The following PLOD2 variants were observed in gnomAD, a reference collection of about 807,000 sequenced individuals.
PLOD2 encodes procollagen-lysine,2-oxoglutarate 5-dioxygenase 2.
Under a neutral mutation model 101.0 loss-of-function variants are expected in PLOD2, and 65 were observed. The ratio of observed to expected loss-of-function variants is 0.64; its 90% CI spans 0.53 to 0.79. The LOEUF is 0.79. Ranked by LOEUF, PLOD2 falls within the 30% of genes least tolerant of loss-of-function variation. The probability of loss-of-function intolerance (pLI) is 0.00; values close to 1 mark genes in which losing one functional copy is unlikely to be tolerated. For synonymous variants in PLOD2, 314 were observed against 302.9 expected, an observed-to-expected ratio of 1.04 and a Z score of -0.38; for missense variants, 909 against 914.6, an observed-to-expected ratio of 0.99 and a Z score of 0.08.
At position 146,070,685 on chromosome 3, in the gene PLOD2, A is replaced by G. The variant is rs148862685; in HGVS notation, c.*32T>C. ...GTGTTCATGCCAGTCATTCATCCAA[A>G]ATAAATTTCAATTCAATGAAAAGTA... On this transcript the variant is annotated 3_prime_UTR_variant, in exon 20 of 20. Transcript: ENST00000282903. 1.1e-3 allele frequency: 1,572 copies of G among 1,490,848 alleles called. 10 individuals are homozygous for G. In the African/African-American group the frequency reaches 0.017, roughly 17 times the overall value. The allele number at this position is 1,490,848 out of a possible 1,614,324, so 92.4% of individuals were successfully genotyped here.
At chr3:146,087,686 T>C (rs1236440665) in intron 9 of PLOD2, among the ~76,000 whole-genome samples, 3 of 151,552 alleles carry the variant, frequency 2.0e-5, no homozygotes, top group Non-Finnish European at 3.0e-5. Flanking sequence ...TAACCAAAGA[T>C]AAGACAAAAA....
At position 146,124,023 on chromosome 3, in the gene PLOD2, A is replaced by G. The variant is rs538286757; in HGVS notation, c.201+115T>C. The G allele has an allele frequency of 3.6e-5, 25 of 696,186 alleles. No homozygotes were observed. In the South Asian group the frequency reaches 3.8e-4, roughly 11 times the overall value. The allele number at this position is 696,186 out of a possible 1,614,324, so 43.1% of individuals were successfully genotyped here. On this transcript the variant is annotated intron_variant, in intron 2 of 19. Transcript: ENST00000282903. ...CCAAAAACTACATGAACTAACAGTA[A>G]TTATGTAACCAAATGCTATCTTCCT...
At chr3:146,140,290 C>T (rs987597249) in intron 1 of PLOD2, among the ~76,000 whole-genome samples, 1 of 152,154 alleles carries the variant, frequency 6.6e-6, no homozygotes, top group East Asian at 1.9e-4. Context: ...TCTCAAGATG[C>T]CTCTACATTA....
intron 7 of PLOD2, among the ~76,000 whole-genome samples, chr3:146,097,052 T>G (rs1383946579): frequency 8.2e-5 from 10 of 121,494 alleles, no homozygotes; most frequent in Non-Finnish European, 1.2e-4. Context: ...GGTGAGGGGC[T>G]CCTCTGCCCG....
intron 12 of PLOD2, among the ~76,000 whole-genome samples, chr3:146,079,635 T>C (rs1159004120): frequency 1.3e-5 from 2 of 152,022 alleles, no homozygotes; most frequent in Non-Finnish European, 2.9e-5. Context: ...AGTGGTGCAC[T>C]AGACCCAGCT....
intron 13 of PLOD2, among the ~76,000 whole-genome samples, chr3:146,078,580 G>A (rs559680017): frequency 1.3e-5 from 2 of 151,932 alleles, no homozygotes; most frequent in African/African-American, 4.8e-5. Flanking sequence ...GGTATCATTA[G>A]TATTTTATTT....
chr3:146,095,227 T>G (rs151281166), intron 7 of PLOD2, among the ~76,000 whole-genome samples: 1,884 of 152,156 alleles, frequency 0.012, 40 homozygotes, highest in African/African-American at 0.044. Context: ...TGGGATCTAA[T>G]TAAACTAAGG....
intron 3 of PLOD2, among the ~76,000 whole-genome samples, chr3:146,120,864 G>A (rs939938213): frequency 6.6e-5 from 10 of 152,002 alleles, no homozygotes; most frequent in African/African-American, 2.4e-4. Flanking sequence ...TGTGATTACA[G>A]GCACCTGCCA....
intron 2 of PLOD2, among the ~76,000 whole-genome samples, chr3:146,121,986 C>T (rs1411959679): frequency 6.6e-6 from 1 of 152,106 alleles, no homozygotes; most frequent in Non-Finnish European, 1.5e-5. Context: ...CTCTTCATTT[C>T]ATCAAAACAA....
chr3:146,122,998 A>T (rs1363619881), intron 2 of PLOD2, among the ~76,000 whole-genome samples: 1 of 152,076 alleles, frequency 6.6e-6, no homozygotes, highest in East Asian at 1.9e-4. Flanking sequence ...TCATAGTAAC[A>T]TATTTCTAAC....
At chr3:146,150,107 CCTTT>C (rs1295365382) in intron 1 of PLOD2, among the ~76,000 whole-genome samples, 2 of 152,130 alleles carry the variant, frequency 1.3e-5, no homozygotes, top group African/African-American at 4.8e-5. Flanking sequence ...ACTTTCTATT[CCTTT>C]CTTAAGGCTC....
At chr3:146,104,977 C>A (rs1158646212) in intron 5 of PLOD2, 10 of 152,184 alleles carry the variant, frequency 6.6e-5, no homozygotes, top group Admixed American at 6.6e-4. Flanking sequence ...TACTACCGTG[C>A]CTCTCTTAGC....
chr3:146,115,985 A>G (rs1937888780), intron 3 of PLOD2, among the ~76,000 whole-genome samples: 1 of 152,170 alleles, frequency 6.6e-6, no homozygotes, highest in Non-Finnish European at 1.5e-5. Flanking sequence ...AAGCTCCCAT[A>G]TAGCCAAAAA....
intron 17 of PLOD2, 149 bp downstream of exon 17, chr3:146,072,412 T>G: frequency 1.5e-6 from 1 of 655,330 alleles, no homozygotes; most frequent in East Asian, 2.7e-5. Flanking sequence ...GTGGGAGAAG[T>G]AGACTGAAAT....
At chr3:146,105,531 G>A in intron 5 of PLOD2, among the ~76,000 whole-genome samples, 1 of 152,172 alleles carries the variant, frequency 6.6e-6, no homozygotes, top group Non-Finnish European at 1.5e-5. Context: ...CTCAGAGGAA[G>A]GTCTCTGTCC....
chr3:146,107,579 A>AAACCAATC (rs1189071302), intron 4 of PLOD2, among the ~76,000 whole-genome samples: 2 of 151,554 alleles, frequency 1.3e-5, no homozygotes, highest in Admixed American at 6.6e-5. Flanking sequence ...AACATGACCA[A>AAACCAATC]AACCAATCAA....
At chr3:146,094,734 T>C (rs985506399) in intron 7 of PLOD2, among the ~76,000 whole-genome samples, 1 of 152,160 alleles carries the variant, frequency 6.6e-6, no homozygotes, top group African/African-American at 2.4e-5. Flanking sequence ...AAATTTCATA[T>C]GGAACCAAAA....
intron 1 of PLOD2, among the ~76,000 whole-genome samples, chr3:146,128,284 C>A (rs1414482750): frequency 2.0e-5 from 3 of 152,108 alleles, no homozygotes; most frequent in Non-Finnish European, 4.4e-5. Flanking sequence ...CAAAAGCTAT[C>A]TCATTTTCTT....
chr3:146,086,705 C>T (rs1012126625), intron 10 of PLOD2, 82 bp downstream of exon 10: 4 of 1,045,638 alleles, frequency 3.8e-6, no homozygotes, highest in African/African-American at 1.6e-5. Flanking sequence ...TTTGGCATAA[C>T]AATTTTAATT....
Sources: gnomAD v4.1 joint callset for allele counts (sites outside exome capture counted in the v4.1 genomes callset) on GRCh38, gnomAD v4.1.1 for gene constraint, MANE v1.5 for transcripts, NCBI Gene and HGNC (gene_info 2026-07-23, HGNC 2026-07-21) for gene names.